The following PDE1C variants were observed in gnomAD, a reference collection of about 807,000 sequenced individuals.
PDE1C encodes phosphodiesterase 1C.
Under a neutral mutation model 93.1 loss-of-function variants are expected in PDE1C, and 62 were observed. The ratio of observed to expected loss-of-function variants is 0.67; its 90% CI spans 0.54 to 0.82. The LOEUF is 0.82. PDE1C is among the 40% of genes least tolerant of loss of function. The probability of loss-of-function intolerance (pLI) is 0.00; values close to 1 mark genes in which losing one functional copy is unlikely to be tolerated. For missense variants in PDE1C, 742 were observed against 884.6 expected (o/e 0.84, Z 2.04); for synonymous variants, 325 against 310.1 (o/e 1.05, Z -0.50).
At chr7:32,173,765 C>T (rs865894290) in intron 2 of PDE1C, among the ~76,000 whole-genome samples, 8 of 152,154 alleles carry the variant, frequency 5.3e-5, no homozygotes, top group Middle Eastern at 3.2e-3. Flanking sequence ...CTGCAGCCCA[C>T]CATAGAAGAA....
intron 17 of PDE1C, among the ~76,000 whole-genome samples, chr7:31,769,562 T>C (rs1471394683): frequency 6.6e-6 from 1 of 152,246 alleles, no homozygotes; most frequent in Non-Finnish European, 1.5e-5. Flanking sequence ...AAGTAGTTTA[T>C]GGCAATTTGT....
chr7:31,724,395 C>T, the PDE1C span, among the ~76,000 whole-genome samples: 1 of 152,228 alleles, frequency 6.6e-6, no homozygotes, highest in Non-Finnish European at 1.5e-5. Context: ...GCTCTCCAAG[C>T]ACTTCTACTT....
chr7:31,685,699 C>T, the PDE1C span, among the ~76,000 whole-genome samples: 2 of 152,232 alleles, frequency 1.3e-5, no homozygotes, highest in African/African-American at 2.4e-5. Context: ...GCACATGTGT[C>T]CCAGCACTGA....
chr7:32,049,499 C>T (rs1278115830), intron 2 of PDE1C, among the ~76,000 whole-genome samples: 1 of 152,048 alleles, frequency 6.6e-6, no homozygotes, highest in Non-Finnish European at 1.5e-5. Context: ...GAGGAAGGGG[C>T]TTTACTGGCC....
At chr7:31,887,032 T>C (rs2128892014) in intron 2 of PDE1C, among the ~76,000 whole-genome samples, 2 of 152,112 alleles carry the variant, frequency 1.3e-5, no homozygotes, top group Middle Eastern at 6.8e-3. Flanking sequence ...AGATTGGCAT[T>C]TTAGAAAGAT....
chr7:32,033,565 C>A (rs959003587), intron 2 of PDE1C, among the ~76,000 whole-genome samples: 3 of 152,062 alleles, frequency 2.0e-5, no homozygotes, highest in Non-Finnish European at 4.4e-5. Context: ...AAGTGGTTCC[C>A]GAGCACAGTC....
chr7:32,145,033 T>TA (rs1269529776), intron 3 of PDE1C, among the ~76,000 whole-genome samples: 1 of 152,230 alleles, frequency 6.6e-6, no homozygotes, highest in African/African-American at 2.4e-5. Flanking sequence ...AATAGCAAAT[T>TA]ACTTTGATTC....
intron 2 of PDE1C, among the ~76,000 whole-genome samples, chr7:31,944,162 C>A (rs56807361): frequency 0.14 from 21,104 of 152,078 alleles, 3,082 homozygotes; most frequent in African/African-American, 0.38. Flanking sequence ...TTTTCAAATC[C>A]CCAGCACAAG....
intron 2 of PDE1C, among the ~76,000 whole-genome samples, chr7:31,985,788 T>C (rs1461694083): frequency 6.6e-6 from 1 of 152,204 alleles, no homozygotes; most frequent in African/African-American, 2.4e-5. Context: ...CCATGGTGTA[T>C]GTGTGTCACA....
At chr7:32,263,902 T>A (rs141251764) in intron 1 of PDE1C, among the ~76,000 whole-genome samples, 1 of 152,334 alleles carries the variant, frequency 6.6e-6, no homozygotes, top group South Asian at 2.1e-4. Flanking sequence ...GCACACAATA[T>A]CAGTCTCTCA....
At chr7:32,221,297 T>A (rs899848203) in intron 1 of PDE1C, among the ~76,000 whole-genome samples, 9 of 152,216 alleles carry the variant, frequency 5.9e-5, no homozygotes, top group African/African-American at 1.2e-4. Context: ...ATCTTCAGGC[T>A]GAGTCAAATT....
At chr7:32,045,600 G>C (rs1200981265) in intron 2 of PDE1C, among the ~76,000 whole-genome samples, 2 of 152,170 alleles carry the variant, frequency 1.3e-5, no homozygotes, top group African/African-American at 4.8e-5. Context: ...TGTATGATTT[G>C]ATTTATCCAG....
At chr7:31,655,299 C>T in the PDE1C span, among the ~76,000 whole-genome samples, 24 of 152,154 alleles carry the variant, frequency 1.6e-4, no homozygotes, top group Non-Finnish European at 2.4e-4. Context: ...TACCCTGCCC[C>T]CTCAGTCAGT....
rs1360678451 is a variant in PDE1C at position 31,865,080 on chromosome 7, G to A, written c.612C>T (p.Ile204=). ...CAAATGAGACAAGTGCAGAAATGGGGATCTGAAAGAGAGCAGTAAGGTTAA... is the reference window on the plus strand; with the variant it reads ...CAAATGAGACAAGTGCAGAAATGGGAATCTGAAAGAGAGCAGTAAGGTTAA... ...TRYDLISRFK[I]PISALVSFVE... is the part of the protein sequence containing the mutation. Residue 204 remains isoleucine, a splice_region_variant and synonymous_variant, in exon 7 of 18, where the codon ATC becomes ATT. Coordinates refer to ENST00000396191, the MANE Select transcript of PDE1C (RefSeq NM_001191057.4). 2 of 1,614,024 alleles carry A rather than the reference G, an allele frequency of 1.2e-6. No individual in the cohort carries two copies. The highest frequency in any genetic ancestry group is 2.2e-5 in the South Asian group (2 of 91,078).
chr7:31,970,918 G>T (rs993985178), intron 2 of PDE1C, among the ~76,000 whole-genome samples: 7 of 152,146 alleles, frequency 4.6e-5, no homozygotes, highest in African/African-American at 1.4e-4. Context: ...TGAGGTGGGA[G>T]GATCACCTGA....
intron 1 of PDE1C, among the ~76,000 whole-genome samples, chr7:32,266,593 A>G (rs538338870): frequency 6.6e-6 from 1 of 152,212 alleles, no homozygotes; most frequent in Admixed American, 6.5e-5. Flanking sequence ...GCAAATAAAA[A>G]TAATTCAGAT....
At chr7:31,910,518 C>G (rs1801091965) in intron 2 of PDE1C, among the ~76,000 whole-genome samples, 1 of 152,146 alleles carries the variant, frequency 6.6e-6, no homozygotes, top group South Asian at 2.1e-4. Flanking sequence ...ATAAAGAAAC[C>G]AAGAAGAGAC....
chr7:31,650,016 T>C, the PDE1C span, among the ~76,000 whole-genome samples: 1 of 152,114 alleles, frequency 6.6e-6, no homozygotes, highest in Admixed American at 6.5e-5. Flanking sequence ...AATTGGTCCA[T>C]GTCAATGCCA....
chr7:31,966,985 T>C (rs1343171304), intron 2 of PDE1C, among the ~76,000 whole-genome samples: 1 of 151,998 alleles, frequency 6.6e-6, no homozygotes, highest in African/African-American at 2.4e-5. Flanking sequence ...TTTATAGCAC[T>C]AAATGCCCAC....
Sources: allele counts gnomAD v4.1 joint callset (sites outside exome capture counted in the v4.1 genomes callset), GRCh38; gene constraint gnomAD v4.1.1; transcripts MANE v1.5; gene names NCBI Gene and HGNC (gene_info 2026-07-23, HGNC 2026-07-21).